The following RABL6 variants were observed in gnomAD, a reference collection of about 807,000 sequenced individuals.
RABL6 encodes rab-like protein 6.
Under a neutral mutation model 72.9 loss-of-function variants are expected in RABL6, and 28 were observed. The observed-to-expected ratio is 0.38, with a 90% confidence interval of 0.28 to 0.53. The LOEUF (loss-of-function observed/expected upper bound fraction) is 0.53, where lower values mean the gene tolerates loss of function less well. Ranked by LOEUF, RABL6 falls within the 20% of genes least tolerant of loss-of-function variation. The probability of loss-of-function intolerance (pLI) is 0.80; values close to 1 mark genes in which losing one functional copy is unlikely to be tolerated. For synonymous variants in RABL6, 477 were observed against 421.2 expected (o/e 1.13, Z -1.62); for missense variants, 1,029 against 1,008.4 (o/e 1.02, Z -0.28).
intron 1 of RABL6, chr9:136,814,157 C>A (rs1848069601): frequency 3.4e-6 from 1 of 298,164 alleles, no homozygotes; most frequent in South Asian, 3.5e-5. Flanking sequence ...ACAGCAAGAT[C>A]ATTTTTAGCA....
chr9:136,835,709 C>T (rs571355505), intron 7 of RABL6, 33 bp from the exon 8 acceptor site: 5 of 1,524,104 alleles, frequency 3.3e-6, no homozygotes, highest in Middle Eastern at 2.2e-4. Context: ...CAGGAAGGAG[C>T]CCTGCTCAGG....
chr9:136,808,924 C>A (rs1186364331), intron 1 of RABL6: 2 of 152,174 alleles, frequency 1.3e-5, no homozygotes, highest in African/African-American at 4.8e-5. Flanking sequence ...TAGGAGACAT[C>A]CCATTTCTCG....
At chr9:136,814,096 T>G in intron 1 of RABL6, 1 of 344,324 alleles carries the variant, frequency 2.9e-6, no homozygotes. Flanking sequence ...TTCAGCAGCT[T>G]GAAAATCCAC....
intron 1 of RABL6, among the ~76,000 whole-genome samples, chr9:136,812,630 G>T (rs1191319304): frequency 6.6e-6 from 1 of 152,176 alleles, no homozygotes; most frequent in Non-Finnish European, 1.5e-5. Context: ...TATTACCCTT[G>T]AAATGTTGTC....
chr9:136,816,828 T>C (rs1233865134), intron 1 of RABL6, among the ~76,000 whole-genome samples: 1 of 152,124 alleles, frequency 6.6e-6, no homozygotes, highest in East Asian at 1.9e-4. Context: ...AAAAAGAGTT[T>C]GTGGCCATAT....
Position 136,831,753 on chromosome 9 carries a change from A to C in RABL6, c.491A>C (p.Lys164Thr), listed in dbSNP as rs920352374. ...TFNYILRELPKVPTHVPVCVL... is the reference protein window; with the variant it reads ...TFNYILRELPTVPTHVPVCVL... ...AATTACATTCTCCGGGAGCTTCCAA[A>C]AGTGCCCACCCACGTGCCAGTGTGC... Residue 164 changes from lysine to threonine, a missense_variant, in exon 6 of 15, where the codon AAA (lysine) becomes ACA (threonine). This residue lies in a region of RABL6 where 434 missense variants were observed against 536.1 expected (regional missense o/e 0.81). Coordinates refer to ENST00000311502, the MANE Select transcript of RABL6 (RefSeq NM_024718.5). 3.7e-6 allele frequency: 6 copies of C among 1,613,226 alleles called. No homozygotes were observed. The highest frequency in any genetic ancestry group is 1.3e-5 in the African/African-American group (1 of 74,856).
chr9:136,838,019 A>AGG lies in RABL6; in HGVS notation c.1280+7_1280+8dup. The stretch of plus-strand genomic sequence containing the variant: ...CTGCCCAGCAGGACAGCGACAGGTG[A>AGG]GGGGTGGGCCTGGGCCTCCTCTCCC... On this transcript the variant is annotated splice_donor_region_variant and intron_variant, in intron 10 of 14. Transcript: ENST00000311502. The AGG allele has an allele frequency of 3.9e-6, 6 of 1,556,474 alleles. No homozygotes were observed. The highest frequency in any genetic ancestry group is 5.2e-6 in the Non-Finnish European group (6 of 1,150,612).
chr9:136,829,452 G>A lies in RABL6; in HGVS notation c.426G>A (p.Gly142=). The A allele has an allele frequency of 6.3e-7, 1 of 1,588,218 alleles. No homozygotes were observed. Among genetic ancestry groups the A allele is most frequent in the Non-Finnish European group, 8.6e-7 (1 of 1,167,688 alleles). ...EFLDVYKNCN[G]VVMMFDITKQ... ...TGGACGTGTACAAGAACTGCAACGG[G>A]GTGGTCATGATGTTCGACATTACCA... Residue 142 remains glycine, a synonymous_variant, in exon 5 of 15, where the codon GGG becomes GGA. Coordinates refer to ENST00000311502, the MANE Select transcript of RABL6 (RefSeq NM_024718.5).
intron 10 of RABL6, among the ~76,000 whole-genome samples, chr9:136,838,704 A>G (rs1308778279): frequency 6.6e-6 from 1 of 152,232 alleles, no homozygotes; most frequent in Non-Finnish European, 1.5e-5. Flanking sequence ...GCAGGGCAGC[A>G]CTGTGTCCAA....
chr9:136,837,897 CAG>C lies in RABL6; in HGVS notation c.1165_1166del (p.Ser389CysfsTer7). 6.4e-7 allele frequency: 1 copy of C among 1,551,114 alleles called. No homozygotes were observed. Among genetic ancestry groups the C allele is most frequent in the Non-Finnish European group, 8.7e-7 (1 of 1,147,820 alleles). On this transcript the variant is annotated frameshift_variant, in exon 10 of 15. Transcript: ENST00000311502. LOFTEE classifies it high-confidence loss of function. ...GGCCGCAGAGGGCCCAGCAACGGTCCAGAGTGTGGAGGACTTTGTTCCTGACG... is the reference window on the plus strand; with the variant it reads ...GGCCGCAGAGGGCCCAGCAACGGTCCAGTGTGGAGGACTTTGTTCCTGACG... ...VPAAEGPATV[Q>X]SVEDFVPDDR...
intron 2 of RABL6, among the ~76,000 whole-genome samples, chr9:136,824,252 C>G (rs931269709): frequency 6.7e-6 from 1 of 150,348 alleles, no homozygotes; most frequent in Non-Finnish European, 1.5e-5. Flanking sequence ...CCTGTGTGTT[C>G]AGAATCGTGA....
At chr9:136,828,753 A>G (rs1195871681) in intron 4 of RABL6, among the ~76,000 whole-genome samples, 2 of 151,916 alleles carry the variant, frequency 1.3e-5, no homozygotes, top group African/African-American at 4.8e-5. Context: ...GACAGACATC[A>G]CGTTGGACTG....
chr9:136,839,696 T>A lies in RABL6; in HGVS notation c.1761T>A (p.Asp587Glu). 6.3e-7 allele frequency: 1 copy of A among 1,580,736 alleles called. No individual in the cohort carries two copies. ...SEGSDTQRRA[D>E]DFPVRDDPSD... ...ACCAGTTGCTCTCCCTGCTCCAGGA[T>A]GACTTTCCCGTGCGAGATGACCCCT... is the stretch of plus-strand genomic sequence containing the variant. Residue 587 changes from aspartate to glutamate, a missense_variant and splice_region_variant, in exon 13 of 15, where the codon GAT (aspartate) becomes GAA (glutamate). This residue lies in a region of RABL6 where 595 missense variants were observed against 472.4 expected (regional missense o/e 1.26). Transcript: ENST00000311502.
intron 10 of RABL6, 56 bp downstream of exon 10, chr9:136,838,071 GAGC>G: frequency 6.5e-7 from 1 of 1,540,636 alleles, no homozygotes; most frequent in South Asian, 1.2e-5. Flanking sequence ...CAGGGTGCCC[GAGC>G]AGCAGGTGGG....
intron 2 of RABL6, among the ~76,000 whole-genome samples, chr9:136,825,020 C>T (rs1332476425): frequency 6.6e-6 from 1 of 152,164 alleles, no homozygotes; most frequent in Non-Finnish European, 1.5e-5. Flanking sequence ...CCTTGGAATC[C>T]TTGGGTGGGC....
At chr9:136,834,163 A>C in intron 7 of RABL6, 2 of 1,274,236 alleles carry the variant, frequency 1.6e-6, no homozygotes, top group Non-Finnish European at 2.0e-6. Flanking sequence ...CTGGAAGCAA[A>C]TTTCAGGCCT....
At position 136,832,364 on chromosome 9, in the gene RABL6, G is replaced by C; in HGVS notation, c.699G>C (p.Gln233His). The C allele has an allele frequency of 6.2e-7, 1 of 1,611,836 alleles. No homozygotes were observed. The highest frequency in any genetic ancestry group is 1.7e-5 in the Admixed American group (1 of 60,004). ...AGTTCTTCAATATCCCATTTTTGCA[G>C]CTTCAGGTAAGCACTCACCACGTGG... ...LHKFFNIPFL[Q>H]LQRETLLRQL... Residue 233 changes from glutamine (Q) to histidine (H), a missense_variant, in exon 7 of 15, where the codon CAG becomes CAC. By Grantham distance (24) the Gln-to-His change is conservative. This residue lies in a region of RABL6 where 434 missense variants were observed against 536.1 expected (regional missense o/e 0.81). Transcript: ENST00000311502.
At chr9:136,834,259 C>T in intron 7 of RABL6, 2 of 1,105,468 alleles carry the variant, frequency 1.8e-6, no homozygotes, top group Non-Finnish European at 2.2e-6. Context: ...TAATGTAATA[C>T]CGCATGTTAA....
In RABL6 at chr9:136,823,540, G is replaced by A; in HGVS notation, c.146G>A (p.Arg49Gln). 6.2e-7 allele frequency: 1 copy of A among 1,613,756 alleles called. No homozygotes were observed. Among genetic ancestry groups the A allele is most frequent in the South Asian group, 1.1e-5 (1 of 91,080 alleles). ...CCGTCCCCAGTGAAGATAGTGATCC[G>A]GGGAGACAGGAACACGGGCAAGACA... Reference protein sequence around the residue: ...GVQYNMKIVIRGDRNTGKTAL... With the variant: ...GVQYNMKIVIQGDRNTGKTAL... The change falls in exon 2 of 15, where the codon CGG (arginine) becomes CAG (glutamine). Residue 49 changes from arginine to glutamine, a missense_variant. By Grantham distance (43) the Arg-to-Gln change is conservative. This residue lies in a region of RABL6 where 434 missense variants were observed against 536.1 expected (regional missense o/e 0.81). Transcript: ENST00000311502.
Sources: gnomAD v4.1 joint callset for allele counts (sites outside exome capture counted in the v4.1 genomes callset) on GRCh38, gnomAD v4.1.1 for gene constraint, gnomAD v4.1.1 regional missense constraint, MANE v1.5 for transcripts, NCBI Gene and HGNC (gene_info 2026-07-23, HGNC 2026-07-21) for gene names.